Variants in ICE2 observed in about 807,000 individuals in gnomAD.
The protein encoded by ICE2 is little elongation complex subunit 2.
A neutral mutation model predicts 105.4 loss-of-function variants in ICE2; 87 were observed. That is an observed-to-expected ratio of 0.83 (90% CI 0.69 to 0.99). The LOEUF (loss-of-function observed/expected upper bound fraction) is 0.99. Among genes scored for constraint, ICE2 ranks in the 50% least tolerant of loss-of-function variants. The pLI, the probability that ICE2 is intolerant of heterozygous loss-of-function variation, is 0.00. For synonymous variants in ICE2, 399 were observed against 392.0 expected (o/e 1.02, Z -0.21); for missense variants, 1,323 against 1,146.7 (o/e 1.15, Z -2.22).
chr15:60,475,919 A>G lies in ICE2; in HGVS notation c.146+144T>C, dbSNP rs983370435. On this transcript the variant is annotated intron_variant, in intron 3 of 15. Transcript: ENST00000261520. ...TGTGGAGAAAGGAATGAAGGTCTGA[A>G]AAGATAAATACCAGTGTTAAAAGTT... is the stretch of plus-strand genomic sequence containing the variant. 1.7e-5 allele frequency: 9 copies of G among 542,480 alleles called. No homozygotes were observed. In the Admixed American group the frequency reaches 2.2e-4, roughly 14 times the overall value. 33.6% of individuals were successfully genotyped at this position (542,480 alleles called of 1,614,324 possible).
At chr15:60,451,337 T>A in intron 9 of ICE2, 1 of 901,636 alleles carries the variant, frequency 1.1e-6, no homozygotes, top group Non-Finnish European at 1.3e-6. Flanking sequence ...AAATGAACTA[T>A]AAATTAATAT....
At chr15:60,453,099 G>A in intron 9 of ICE2, 1 of 586,270 alleles carries the variant, frequency 1.7e-6, no homozygotes. Flanking sequence ...GGGTATGGTG[G>A]TGCACACCTG....
In ICE2 at chr15:60,475,137, G is replaced by T. The variant is rs556622523; in HGVS notation, c.146+926C>A. Among the ~76,000 whole-genome samples the T allele has an allele frequency of 2.6e-4, 39 of 152,240 alleles. No homozygotes were observed. In the South Asian group the frequency reaches 5.8e-3, roughly 23 times the overall value. ...AGAAAGTAAATGTTGAGCTTCCCTG[G>T]GGGAGTTTCCTAATTCCTCATTTGG... On this transcript the variant is annotated intron_variant, in intron 3 of 15. Coordinates refer to ENST00000261520, the MANE Select transcript of ICE2 (RefSeq NM_024611.6).
Position 60,449,565 on chromosome 15 carries a change from T to C in ICE2, c.1402A>G (p.Lys468Glu), listed in dbSNP as rs1249122338. The C allele has an allele frequency of 6.2e-7, 1 of 1,614,222 alleles. No homozygotes were observed. Among genetic ancestry groups the C allele is most frequent in the Non-Finnish European group, 8.5e-7 (1 of 1,180,034 alleles). ...CCATCCATACCAGTGACCAGCTGTT[T>C]CTCCTTTTGCAATTGTTCCATCAGA... Reference protein sequence around the residue: ...QILMEQLQKEKQLVTGMDGGP... With the variant: ...QILMEQLQKEEQLVTGMDGGP... Residue 468 changes from lysine (K) to glutamate (E), a missense_variant, in exon 10 of 16, where the codon AAA (lysine) becomes GAA (glutamate). Coordinates refer to ENST00000261520, the MANE Select transcript of ICE2 (RefSeq NM_024611.6).
chr15:60,474,033 T>G (rs1313965420), intron 3 of ICE2, among the ~76,000 whole-genome samples: 1 of 152,168 alleles, frequency 6.6e-6, no homozygotes, highest in Non-Finnish European at 1.5e-5. Context: ...CTCAGCCTCC[T>G]AAGTAAGACT....
chr15:60,426,329 G>A lies in ICE2; in HGVS notation c.2820+2100C>T, dbSNP rs1049675436. Among the ~76,000 whole-genome samples, 6 of 152,128 alleles carry A rather than the reference G, an allele frequency of 3.9e-5. No individual in the cohort carries two copies. In the South Asian group the frequency reaches 6.2e-4, roughly 16 times the overall value. On this transcript the variant is annotated intron_variant, in intron 15 of 15. Coordinates refer to ENST00000261520, the MANE Select transcript of ICE2 (RefSeq NM_024611.6). Reference sequence around the variant, plus strand: ...TATCCAAATACCAGTGTATTACAACGGCATACAGTATTCAGTACAGCAACA... The same window carrying A: ...TATCCAAATACCAGTGTATTACAACAGCATACAGTATTCAGTACAGCAACA...
chr15:60,474,938 C>G (rs1195642777), intron 3 of ICE2, among the ~76,000 whole-genome samples: 1 of 151,996 alleles, frequency 6.6e-6, no homozygotes, highest in Non-Finnish European at 1.5e-5. Flanking sequence ...CGGGGCAACA[C>G]AGCAAGACCA....
intron 13 of ICE2, among the ~76,000 whole-genome samples, chr15:60,435,178 G>A (rs2063556089): frequency 6.6e-6 from 1 of 152,168 alleles, no homozygotes; most frequent in African/African-American, 2.4e-5. Flanking sequence ...CTACTCTGGA[G>A]GCTGAGGCAG....
chr15:60,446,718 G>A (rs560161193), intron 11 of ICE2, among the ~76,000 whole-genome samples: 66 of 152,210 alleles, frequency 4.3e-4, no homozygotes, highest in Non-Finnish European at 8.8e-4. Context: ...ATATGATACA[G>A]TAGTCAGGAA....
At chr15:60,451,252 G>A in intron 9 of ICE2, 2 of 618,148 alleles carry the variant, frequency 3.2e-6, no homozygotes, top group Non-Finnish European at 4.0e-6. Context: ...ATATATGAAA[G>A]ATTGAAAATA....
At position 60,420,638 on chromosome 15, in the gene ICE2, T is replaced by A. The variant is rs2063233657; in HGVS notation, c.*2996A>T. ...AATCTCTCCAACTTTCACCTTTTCA[T>A]AGGCTGCTTAGTTTCACTTAGTTTC... On this transcript the variant is annotated 3_prime_UTR_variant, in exon 16 of 16. Coordinates refer to ENST00000261520, the MANE Select transcript of ICE2 (RefSeq NM_024611.6). 6.6e-6 allele frequency: 1 copy of A among 152,216 alleles called. No individual in the cohort carries two copies. The highest frequency in any genetic ancestry group is 2.4e-5 in the African/African-American group (1 of 41,460). The allele number at this position is 152,216 out of a possible 1,614,324, so 9.4% of individuals were successfully genotyped here.
intron 3 of ICE2, among the ~76,000 whole-genome samples, chr15:60,472,339 A>T (rs979208551): frequency 9.2e-5 from 14 of 152,188 alleles, no homozygotes; most frequent in Admixed American, 6.5e-5. Context: ...TTCAACAAGA[A>T]AACAGTTGTA....
chr15:60,425,646 A>G (rs1238686312), intron 15 of ICE2, among the ~76,000 whole-genome samples: 1 of 151,566 alleles, frequency 6.6e-6, no homozygotes, highest in Non-Finnish European at 1.5e-5. Context: ...GGATGAGATC[A>G]GAGTTCAAGT....
chr15:60,443,188 G>A (rs1595766166), intron 11 of ICE2: 1 of 152,234 alleles, frequency 6.6e-6, no homozygotes, highest in East Asian at 1.9e-4. Flanking sequence ...CCTATTACTG[G>A]CCTAAGGGAG....
chr15:60,461,108 TG>T (rs895186689), intron 5 of ICE2, among the ~76,000 whole-genome samples: 6 of 61,864 alleles, frequency 9.7e-5, no homozygotes, highest in African/African-American at 3.1e-4. Context: ...ATGGGTGGGG[TG>T]GGGGGGCGAG....
chr15:60,453,588 A>G lies in ICE2; in HGVS notation c.1125+15T>C. 3 of 1,610,036 alleles carry G rather than the reference A, an allele frequency of 1.9e-6. No individual in the cohort carries two copies. The South Asian group carries it at 3.3e-5, about 18-fold the overall frequency. ...AAGTACATTCCCCTTAGGGGAAAAA[A>G]AAAGCATTACATACGTCCATTTCAG... On this transcript the variant is annotated intron_variant, in intron 9 of 15. Transcript: ENST00000261520.
chr15:60,477,979 T>C lies in ICE2; in HGVS notation c.-2A>G. On this transcript the variant is annotated 5_prime_UTR_variant, in exon 2 of 16. Transcript: ENST00000261520. The stretch of plus-strand genomic sequence containing the variant: ...ACTTATGACCATCTTGGAGCTCATC[T>C]TCCTAGATTTCTGCTTCACTCTAGC... 1 of 1,613,942 alleles carries C rather than the reference T, an allele frequency of 6.2e-7. No homozygotes were observed.
intron 15 of ICE2, among the ~76,000 whole-genome samples, chr15:60,426,768 T>A (rs2063347546): frequency 6.6e-6 from 1 of 152,330 alleles, no homozygotes. Context: ...TAAAAAGGAA[T>A]AAACCACTCC....
Position 60,455,144 on chromosome 15 carries a change from T to C in ICE2, c.802A>G (p.Asn268Asp). The C allele has an allele frequency of 6.3e-7, 1 of 1,580,310 alleles. No individual in the cohort carries two copies. The highest frequency in any genetic ancestry group is 1.2e-5 in the South Asian group (1 of 83,934). ...AMHYDISKDP[N>D]AEKLVSRYHP... ...TATCTGGAAACAAGCTTCTCTGCAT[T>C]TGGATCTTTACTAATATCCTGAAAA... Residue 268 changes from asparagine (N) to aspartate (D), a missense_variant, in exon 8 of 16, where the codon AAT becomes GAT. Transcript: ENST00000261520.
Sources: gnomAD v4.1 joint callset for allele counts (sites outside exome capture counted in the v4.1 genomes callset) on GRCh38, gnomAD v4.1.1 for gene constraint, MANE v1.5 for transcripts, NCBI Gene and HGNC (gene_info 2026-07-23, HGNC 2026-07-21) for gene names.